Variants in DNAH7 observed in about 807,000 individuals in gnomAD.
DNAH7 encodes axonemal beta dynein heavy chain 7.
In DNAH7, 397 loss-of-function variants were observed where a neutral mutation model predicts 444.6. The ratio of observed to expected loss-of-function variants is 0.89; its 90% confidence interval spans 0.82 to 0.97. The LOEUF (loss-of-function observed/expected upper bound fraction) is 0.97, where lower values mean the gene tolerates loss of function less well. Among genes scored for constraint, DNAH7 ranks in the 50% least tolerant of loss-of-function variants. DNAH7 has a pLI of 0.00. For missense variants in DNAH7, 4,902 were observed against 4,800.8 expected (o/e 1.02, Z -0.62); for synonymous variants, 1,636 against 1,624.4 (o/e 1.01, Z -0.17).
At chr2:195,828,026 C>T (rs1160090718) in intron 48 of DNAH7, among the ~76,000 whole-genome samples, 8 of 152,202 alleles carry the variant, frequency 5.3e-5, no homozygotes, top group Non-Finnish European at 8.8e-5. Flanking sequence ...ATTGTAAATT[C>T]GGCCAATCTA....
At chr2:195,792,431 A>G (rs1695925783) in intron 57 of DNAH7, among the ~76,000 whole-genome samples, 2 of 150,794 alleles carry the variant, frequency 1.3e-5, no homozygotes, top group African/African-American at 4.9e-5. Flanking sequence ...ACACACACAC[A>G]CACACATTAA....
intron 27 of DNAH7, chr2:195,905,482 CTT>C (rs1389738999): frequency 1.3e-5 from 2 of 152,092 alleles, no homozygotes; most frequent in Non-Finnish European, 2.9e-5. Flanking sequence ...CATATCAAGT[CTT>C]TTTGGTGGAA....
chr2:196,010,673 T>C (rs1024605827), intron 10 of DNAH7, among the ~76,000 whole-genome samples: 6 of 152,198 alleles, frequency 3.9e-5, no homozygotes, highest in Non-Finnish European at 8.8e-5. Context: ...GAATCAACTT[T>C]GGCCCATCAG....
chr2:195,873,641 T>C lies in DNAH7; in HGVS notation c.6340A>G (p.Thr2114Ala), dbSNP rs75859635. The change falls in exon 39 of 65, where the codon ACA becomes GCA. Residue 2114 changes from threonine to alanine, a missense_variant. Physicochemically the swap from Thr to Ala is moderately conservative, Grantham distance 58 (BLOSUM62 0). Coordinates refer to ENST00000312428, the MANE Select transcript of DNAH7 (RefSeq NM_018897.3). ...PRYMRHFNII[T>A]INEFSDKSMY... ...GATTTATCACTAAACTCATTGATTG[T>C]TATAATATTGAAATGTCGCATGTAT... 56,395 of 1,531,804 alleles carry C rather than the reference T, an allele frequency of 0.037. 1,169 individuals carry two copies. The highest frequency in any genetic ancestry group is 0.064 in the Middle Eastern group (374 of 5,832). 94.9% of individuals were successfully genotyped at this position (1,531,804 alleles called of 1,614,324 possible).
intron 24 of DNAH7, among the ~76,000 whole-genome samples, chr2:195,921,008 C>T (rs879195982): frequency 1.3e-4 from 20 of 152,086 alleles, no homozygotes; most frequent in African/African-American, 4.6e-4. Flanking sequence ...ATCAAAACCA[C>T]AATTTGATAC....
intron 23 of DNAH7, 145 bp from the exon 24 acceptor site, chr2:195,922,342 T>C (rs1346779942): frequency 1.0e-5 from 6 of 597,290 alleles, no homozygotes; most frequent in Non-Finnish European, 1.8e-5. Flanking sequence ...CAGAATTAAG[T>C]ATCTAGTTTC....
At chr2:195,974,512 C>T (rs1692053886) in intron 15 of DNAH7, among the ~76,000 whole-genome samples, 1 of 152,134 alleles carries the variant, frequency 6.6e-6, no homozygotes, top group Non-Finnish European at 1.5e-5. Flanking sequence ...TAGAAATTCA[C>T]AATAAATAAT....
intron 9 of DNAH7, among the ~76,000 whole-genome samples, chr2:196,014,052 A>C (rs905482919): frequency 1.3e-5 from 2 of 152,194 alleles, no homozygotes; most frequent in Non-Finnish European, 2.9e-5. Flanking sequence ...TTTGAGATTG[A>C]AAGGTTTTAC....
chr2:196,027,387 A>G (rs995391971), intron 6 of DNAH7, among the ~76,000 whole-genome samples: 1 of 151,970 alleles, frequency 6.6e-6, no homozygotes, highest in Admixed American at 6.6e-5. Context: ...TTAATATTCC[A>G]TACTATAATT....
rs574907474 is a variant in DNAH7 at position 195,949,508 on chromosome 2, T to C, written c.3078+7753A>G. 6.6e-5 allele frequency among the ~76,000 whole-genome samples: 10 copies of C among 152,286 alleles called. No individual in the cohort carries two copies. The East Asian group carries it at 1.7e-3, about 26-fold the overall frequency. ...CTTGTTGGTCAGGCCGGTCTCGAAC[T>C]CCTGACCACAGGTGATCCACCTGCT... is the stretch of plus-strand genomic sequence containing the variant. On this transcript the variant is annotated intron_variant, in intron 19 of 64. Coordinates refer to ENST00000312428, the MANE Select transcript of DNAH7 (RefSeq NM_018897.3).
At chr2:196,029,761 T>C (rs1268547686) in intron 5 of DNAH7, among the ~76,000 whole-genome samples, 1 of 151,852 alleles carries the variant, frequency 6.6e-6, no homozygotes, top group Non-Finnish European at 1.5e-5. Context: ...GCTGTGCTTA[T>C]TCCGTTCAGA....
Position 196,023,185 on chromosome 2 carries a change from TAAAA to T in DNAH7, c.743+1240_743+1243del, listed in dbSNP as rs1695481924. ...TAAGTTCTCATGAGATCTGGATGTT[TAAAA>T]GTGTGTGGCATCTTCCCTCTCACTC... On this transcript the variant is annotated intron_variant, in intron 8 of 64. Transcript: ENST00000312428. 2.0e-5 allele frequency among the ~76,000 whole-genome samples: 3 copies of T among 152,146 alleles called. No individual in the cohort carries two copies. In the South Asian group the frequency reaches 6.2e-4, roughly 32 times the overall value.
intron 7 of DNAH7, among the ~76,000 whole-genome samples, chr2:196,026,557 T>G (rs547097883): frequency 1.3e-5 from 2 of 152,166 alleles, no homozygotes; most frequent in Non-Finnish European, 2.9e-5. Context: ...TGGGGATATA[T>G]CCCTACAAAT....
At chr2:196,047,835 A>G (rs1462296209) in intron 4 of DNAH7, among the ~76,000 whole-genome samples, 1 of 152,028 alleles carries the variant, frequency 6.6e-6, no homozygotes, top group Non-Finnish European at 1.5e-5. Flanking sequence ...GAAATTTTAA[A>G]GAACCATGAC....
At position 195,858,463 on chromosome 2, in the gene DNAH7, G is replaced by A. The variant is rs752284228; in HGVS notation, c.8067+11C>T. Reference sequence around the variant, plus strand: ...ACATGTGTCCTAGAAAGTGTATGGCGAAGCTCTTACCTGTGCAGTAAGAGT... The same window carrying A: ...ACATGTGTCCTAGAAAGTGTATGGCAAAGCTCTTACCTGTGCAGTAAGAGT... On this transcript the variant is annotated intron_variant, in intron 43 of 64. Coordinates refer to ENST00000312428, the MANE Select transcript of DNAH7 (RefSeq NM_018897.3). 127 of 1,564,812 alleles carry A rather than the reference G, an allele frequency of 8.1e-5. No individual in the cohort carries two copies. The highest frequency in any genetic ancestry group is 1.7e-4 in the Middle Eastern group (1 of 5,768).
At chr2:195,803,917 T>C (rs901769297) in intron 54 of DNAH7, among the ~76,000 whole-genome samples, 2 of 152,216 alleles carry the variant, frequency 1.3e-5, no homozygotes, top group Admixed American at 6.5e-5. Context: ...TATTAAATTC[T>C]AAAGGAAAGT....
At chr2:195,776,543 C>A (rs971410620) in intron 59 of DNAH7, among the ~76,000 whole-genome samples, 6 of 151,982 alleles carry the variant, frequency 3.9e-5, no homozygotes, top group African/African-American at 1.5e-4. Flanking sequence ...GGAGGGGAAT[C>A]CTGGTAACTT....
chr2:196,051,075 T>A, intron 3 of DNAH7, 112 bp downstream of exon 3: 1 of 933,290 alleles, frequency 1.1e-6, no homozygotes, highest in East Asian at 2.4e-5. Flanking sequence ...AATTTCTCCA[T>A]CAGAAAAGAA....
intron 51 of DNAH7, among the ~76,000 whole-genome samples, chr2:195,814,545 G>A (rs114344694): frequency 2.6e-5 from 4 of 152,238 alleles, no homozygotes; most frequent in Admixed American, 6.5e-5. Context: ...TATGAAAAAT[G>A]TCTTTAAATG....
Sources: allele counts gnomAD v4.1 joint callset (sites outside exome capture counted in the v4.1 genomes callset), GRCh38; gene constraint gnomAD v4.1.1; transcripts MANE v1.5; gene names NCBI Gene and HGNC (gene_info 2026-07-23, HGNC 2026-07-21).